Variants in GPC5 observed in about 807,000 individuals in gnomAD.
GPC5 encodes glypican 5.
Under a neutral mutation model 53.9 loss-of-function variants are expected in GPC5, and 47 were observed. The observed-to-expected ratio is 0.87, with a 90% CI of 0.69 to 1.11. The LOEUF (loss-of-function observed/expected upper bound fraction) is 1.11. Ranked by LOEUF, GPC5 falls within the 50% of genes most tolerant of loss-of-function variation. The pLI is 0.00. For missense variants in GPC5, 748 were observed against 713.1 expected, an observed-to-expected ratio of 1.05 and a Z score of -0.56; for synonymous variants, 286 against 263.3, an observed-to-expected ratio of 1.09 and a Z score of -0.84.
intron 7 of GPC5, among the ~76,000 whole-genome samples, chr13:92,349,505 C>A (rs1283606634): frequency 6.6e-6 from 1 of 150,408 alleles, no homozygotes; most frequent in African/African-American, 2.4e-5. Context: ...AATGAACAAA[C>A]CTTTAGCTGT....
At chr13:92,810,616 C>T (rs562281338) in intron 7 of GPC5, among the ~76,000 whole-genome samples, 1 of 151,936 alleles carries the variant, frequency 6.6e-6, no homozygotes, top group Non-Finnish European at 1.5e-5. Context: ...CCTCCACCCC[C>T]AGTAACCTTG....
intron 2 of GPC5, among the ~76,000 whole-genome samples, chr13:91,497,764 T>C (rs1884358887): frequency 6.6e-6 from 1 of 152,194 alleles, no homozygotes; most frequent in African/African-American, 2.4e-5. Context: ...AAATTCAATC[T>C]GTTTATTGTG....
intron 7 of GPC5, among the ~76,000 whole-genome samples, chr13:92,596,864 C>T (rs909663013): frequency 3.9e-5 from 6 of 152,024 alleles, no homozygotes; most frequent in Non-Finnish European, 7.4e-5. Context: ...TGTTTAGTGA[C>T]GACATTAAAA....
At chr13:91,829,260 CT>C (rs1384295388) in intron 5 of GPC5, among the ~76,000 whole-genome samples, 1 of 151,900 alleles carries the variant, frequency 6.6e-6, no homozygotes, top group Non-Finnish European at 1.5e-5. Context: ...GGCCTTTCCT[CT>C]TTGAAAATTT....
intron 7 of GPC5, among the ~76,000 whole-genome samples, chr13:92,656,032 A>G (rs1248182984): frequency 6.6e-6 from 1 of 152,238 alleles, no homozygotes; most frequent in African/African-American, 2.4e-5. Flanking sequence ...ATATACAATG[A>G]AATATACAAT....
chr13:92,456,488 T>C (rs1052920827), intron 7 of GPC5, among the ~76,000 whole-genome samples: 1 of 152,162 alleles, frequency 6.6e-6, no homozygotes, highest in South Asian at 2.1e-4. Context: ...ATAATATCTC[T>C]AGCTTTCAAC....
chr13:92,592,166 A>G (rs564394675), intron 7 of GPC5, among the ~76,000 whole-genome samples: 5 of 152,340 alleles, frequency 3.3e-5, no homozygotes, highest in African/African-American at 1.2e-4. Flanking sequence ...CTTCGCTTAT[A>G]TTTCAGTCAT....
chr13:91,810,384 A>G (rs1466428327), intron 5 of GPC5, among the ~76,000 whole-genome samples: 1 of 152,026 alleles, frequency 6.6e-6, no homozygotes, highest in African/African-American at 2.4e-5. Context: ...TTAAGTCATA[A>G]TACCTTATGT....
chr13:92,692,264 T>G (rs1201945963), intron 7 of GPC5, among the ~76,000 whole-genome samples: 2 of 152,144 alleles, frequency 1.3e-5, no homozygotes, highest in Non-Finnish European at 2.9e-5. Context: ...ATTTTCTTGA[T>G]CCAGTTCACC....
chr13:91,831,247 G>C (rs1479380306), intron 5 of GPC5, among the ~76,000 whole-genome samples: 2 of 151,364 alleles, frequency 1.3e-5, no homozygotes, highest in African/African-American at 4.9e-5. Context: ...TTGGAGGGCA[G>C]GAAGCATCCA....
At chr13:92,550,079 G>T (rs1010911656) in intron 7 of GPC5, among the ~76,000 whole-genome samples, 2 of 151,536 alleles carry the variant, frequency 1.3e-5, no homozygotes, top group East Asian at 3.9e-4. Context: ...TATTTTCAGG[G>T]TTTTGATTTT....
intron 2 of GPC5, among the ~76,000 whole-genome samples, chr13:91,677,048 G>A (rs1443882665): frequency 6.6e-6 from 1 of 152,180 alleles, no homozygotes; most frequent in Non-Finnish European, 1.5e-5. Flanking sequence ...AAAATGAAGT[G>A]CAGTAATAAC....
At chr13:92,742,541 C>T (rs1460828251) in intron 7 of GPC5, among the ~76,000 whole-genome samples, 2 of 146,688 alleles carry the variant, frequency 1.4e-5, no homozygotes, top group African/African-American at 4.9e-5. Flanking sequence ...TGCCTGTTCA[C>T]TCTGACGGTA....
At chr13:92,754,999 C>T (rs1287136672) in intron 7 of GPC5, among the ~76,000 whole-genome samples, 2 of 152,162 alleles carry the variant, frequency 1.3e-5, no homozygotes, top group African/African-American at 4.8e-5. Flanking sequence ...ATCTACAGAA[C>T]TCTCCACCCC....
At chr13:91,531,969 A>G (rs544980693) in intron 2 of GPC5, among the ~76,000 whole-genome samples, 2 of 152,318 alleles carry the variant, frequency 1.3e-5, no homozygotes, top group East Asian at 3.9e-4. Flanking sequence ...TTTAGTCACA[A>G]AAACGTTTTT....
intron 2 of GPC5, among the ~76,000 whole-genome samples, chr13:91,685,428 A>G (rs1473185709): frequency 6.6e-6 from 1 of 152,236 alleles, no homozygotes; most frequent in Non-Finnish European, 1.5e-5. Flanking sequence ...TGGTAAACTC[A>G]GAAAGTTTCC....
At chr13:92,369,545 G>T (rs1448728960) in intron 7 of GPC5, among the ~76,000 whole-genome samples, 1 of 152,142 alleles carries the variant, frequency 6.6e-6, no homozygotes, top group East Asian at 1.9e-4. Context: ...TGAACAGTAT[G>T]CACTCAATAA....
intron 7 of GPC5, among the ~76,000 whole-genome samples, chr13:92,237,637 AC>A (rs1360319904): frequency 6.6e-6 from 1 of 152,158 alleles, no homozygotes; most frequent in African/African-American, 2.4e-5. Context: ...GTGTTTTAAA[AC>A]ATCATTAATT....
At chr13:92,683,113 A>G (rs1887156600) in intron 7 of GPC5, among the ~76,000 whole-genome samples, 1 of 152,180 alleles carries the variant, frequency 6.6e-6, no homozygotes. Flanking sequence ...AAGTGGGTTA[A>G]CTTGGGGTCT....
Sources: allele counts gnomAD v4.1 joint callset (sites outside exome capture counted in the v4.1 genomes callset), GRCh38; gene constraint gnomAD v4.1.1; transcripts MANE v1.5; gene names NCBI Gene and HGNC (gene_info 2026-07-23, HGNC 2026-07-21).